The following MYZAP variants were observed in gnomAD, a reference collection of about 807,000 sequenced individuals.
MYZAP encodes the protein myocardial zonula adherens protein.
A neutral mutation model predicts 69.4 loss-of-function variants in MYZAP; 66 were observed. The observed-to-expected ratio is 0.95, with a 90% confidence interval of 0.78 to 1.17. The LOEUF (loss-of-function observed/expected upper bound fraction) is 1.17. Ranked by LOEUF, MYZAP falls within the 50% of genes most tolerant of loss-of-function variation. The pLI, the probability that MYZAP is intolerant of heterozygous loss-of-function variation, is 0.00. For synonymous variants in MYZAP, 256 were observed against 205.9 expected, an observed-to-expected ratio of 1.24 and a Z score of -2.09; for missense variants, 611 against 556.2, an observed-to-expected ratio of 1.10 and a Z score of -0.99.
chr15:57,592,855 C>A (rs1166568067), intron 1 of MYZAP, among the ~76,000 whole-genome samples: 1 of 152,150 alleles, frequency 6.6e-6, no homozygotes, highest in Non-Finnish European at 1.5e-5. Context: ...AGGGGCTTGG[C>A]TTGTGGCTTT....
At chr15:57,661,035 GCAAATT>G (rs2038272627) in intron 10 of MYZAP, among the ~76,000 whole-genome samples, 1 of 152,092 alleles carries the variant, frequency 6.6e-6, no homozygotes, top group Non-Finnish European at 1.5e-5. Flanking sequence ...AGGCTGCCCT[GCAAATT>G]CAAGCCGAAT....
At chr15:57,627,033 T>C (rs2036176593) in intron 5 of MYZAP, among the ~76,000 whole-genome samples, 1 of 152,184 alleles carries the variant, frequency 6.6e-6, no homozygotes, top group Admixed American at 6.5e-5. Flanking sequence ...TTGCCAAGGC[T>C]CCCTTTCCTC....
chr15:57,681,657 C>T (rs532546391), intron 12 of MYZAP, among the ~76,000 whole-genome samples: 33 of 152,218 alleles, frequency 2.2e-4, no homozygotes, highest in East Asian at 3.9e-4. Context: ...TCATGGCACG[C>T]GCCTGTAATC....
intron 11 of MYZAP, among the ~76,000 whole-genome samples, chr15:57,667,069 G>T (rs999320869): frequency 6.6e-6 from 1 of 152,130 alleles, no homozygotes; most frequent in Non-Finnish European, 1.5e-5. Flanking sequence ...CAATTCAAAA[G>T]TCAGAGGAAA....
intron 12 of MYZAP, among the ~76,000 whole-genome samples, chr15:57,678,342 TG>T (rs1880212132): frequency 6.6e-6 from 1 of 152,078 alleles, no homozygotes; most frequent in South Asian, 2.1e-4. Context: ...AGCCTGGGCC[TG>T]GGCAACAGAA....
chr15:57,661,628 T>C (rs2038313526), intron 11 of MYZAP, 95 bp downstream of exon 11: 1 of 1,075,520 alleles, frequency 9.3e-7, no homozygotes, highest in Non-Finnish European at 1.3e-6. Flanking sequence ...AATATGGCTA[T>C]TTCCCGGCCT....
At chr15:57,611,534 T>C (rs1595864150) in intron 2 of MYZAP, among the ~76,000 whole-genome samples, 1 of 152,188 alleles carries the variant, frequency 6.6e-6, no homozygotes, top group Non-Finnish European at 1.5e-5. Flanking sequence ...CTAGTCTGCA[T>C]GGAAGCTGTG....
chr15:57,638,842 T>C (rs1287011965), intron 9 of MYZAP, among the ~76,000 whole-genome samples: 1 of 152,224 alleles, frequency 6.6e-6, no homozygotes, highest in African/African-American at 2.4e-5. Flanking sequence ...ATTGTGTTGC[T>C]GGACCCCTTC....
At chr15:57,605,318 G>A (rs1184612609) in intron 2 of MYZAP, among the ~76,000 whole-genome samples, 4 of 152,074 alleles carry the variant, frequency 2.6e-5, no homozygotes, top group African/African-American at 9.7e-5. Context: ...AAGGGGTAGG[G>A]GTGCCAGGAA....
intron 11 of MYZAP, among the ~76,000 whole-genome samples, chr15:57,672,600 A>G (rs562316328): frequency 3.3e-5 from 5 of 152,214 alleles, no homozygotes; most frequent in Admixed American, 2.0e-4. Context: ...TTTTCCTCCA[A>G]TCCAGCTTTC....
intron 10 of MYZAP, among the ~76,000 whole-genome samples, chr15:57,660,200 T>A (rs2733603): frequency 6.6e-6 from 1 of 152,012 alleles, no homozygotes; most frequent in Non-Finnish European, 1.5e-5. Context: ...GTATCTTTGG[T>A]ATCTATTCCT....
chr15:57,625,709 C>A, intron 4 of MYZAP, 70 bp from the exon 5 acceptor site: 1 of 1,437,494 alleles, frequency 7.0e-7, no homozygotes, highest in Non-Finnish European at 9.8e-7. Context: ...AAGAAAGTTC[C>A]AGCCTAACTG....
chr15:57,665,444 C>A (rs1472959076), intron 11 of MYZAP, among the ~76,000 whole-genome samples: 1 of 152,228 alleles, frequency 6.6e-6, no homozygotes, highest in African/African-American at 2.4e-5. Flanking sequence ...TGGCTCCATG[C>A]CCAGGCAGTA....
intron 6 of MYZAP, among the ~76,000 whole-genome samples, chr15:57,632,207 C>T (rs117090774): frequency 0.017 from 2,619 of 152,284 alleles, 43 homozygotes; most frequent in Middle Eastern, 0.037. Context: ...ATACCTTTGT[C>T]CTGAGAATGC....
rs751899628 is a variant in MYZAP, at chr15:57,637,786, T to C, written c.1013+12T>C. The C allele has an allele frequency of 1.0e-5, 16 of 1,602,040 alleles. No individual in the cohort carries two copies. In the South Asian group the frequency reaches 1.2e-4, roughly 12 times the overall value. On this transcript the variant is annotated intron_variant, in intron 9 of 12. Coordinates refer to ENST00000267853, the MANE Select transcript of MYZAP (RefSeq NM_001018100.5). ...TCTGACAAGGAAAGGTAAGACGTAA[T>C]GCCTTTCGTCTTGTAATGGATTTAG...
intron 11 of MYZAP, among the ~76,000 whole-genome samples, chr15:57,670,797 T>C (rs1352719130): frequency 6.6e-6 from 1 of 152,102 alleles, no homozygotes; most frequent in Non-Finnish European, 1.5e-5. Flanking sequence ...ACTCTAGGTA[T>C]TGTAGTATAC....
rs114383389 is a variant in MYZAP at position 57,608,015 on chromosome 15, G to A, written c.162+3660G>A. ...ACTCTGGATGACCCTCCCTGGTCAC[G>A]TAACTTTGGTTCCTTTGAAGGGGCT... On this transcript the variant is annotated intron_variant, in intron 2 of 12. Coordinates refer to ENST00000267853, the MANE Select transcript of MYZAP (RefSeq NM_001018100.5). Among the ~76,000 whole-genome samples the A allele has an allele frequency of 9.7e-3, 1,482 of 152,310 alleles. 28 individuals are homozygous for A. Among genetic ancestry groups the A allele is most frequent in the African/African-American group, 0.034 (1,400 of 41,564 alleles).
chr15:57,661,569 C>T (rs1248254953), intron 11 of MYZAP, 36 bp downstream of exon 11: 2 of 1,545,038 alleles, frequency 1.3e-6, no homozygotes, highest in Non-Finnish European at 1.8e-6. Flanking sequence ...GGTGTCTTCC[C>T]TACCATTAAA....
chr15:57,672,850 A>C (rs1191176683), intron 11 of MYZAP, among the ~76,000 whole-genome samples: 1 of 152,030 alleles, frequency 6.6e-6, no homozygotes, highest in African/African-American at 2.4e-5. Flanking sequence ...CGCTGTCCCC[A>C]TTTTGAGTCA....
Sources: gnomAD v4.1 joint callset for allele counts (sites outside exome capture counted in the v4.1 genomes callset) on GRCh38, gnomAD v4.1.1 for gene constraint, MANE v1.5 for transcripts, NCBI Gene and HGNC (gene_info 2026-07-23, HGNC 2026-07-21) for gene names.